Variants in SHANK2 observed in about 807,000 individuals in gnomAD.
SHANK2 encodes the protein SH3 and multiple ankyrin repeat domains 2.
A neutral mutation model predicts 133.7 loss-of-function variants in SHANK2; 43 were observed. The ratio of observed to expected loss-of-function variants is 0.32; its 90% CI spans 0.25 to 0.41. SHANK2 has a LOEUF of 0.41. SHANK2 is among the 10% of genes least tolerant of loss of function. The pLI, the probability that SHANK2 is intolerant of heterozygous loss-of-function variation, is 1.00. For synonymous variants in SHANK2, 1,017 were observed against 952.8 expected (o/e 1.07, Z -1.24); for missense variants, 1,994 against 2,235.8 (o/e 0.89, Z 2.18).
At chr11:71,151,798 G>A (rs752146352) in intron 2 of SHANK2, among the ~76,000 whole-genome samples, 23 of 152,142 alleles carry the variant, frequency 1.5e-4, no homozygotes, top group Non-Finnish European at 8.8e-5. Context: ...GGCAGAGACC[G>A]TCCAGGCTCC....
At chr11:70,598,150 C>T (rs574883762) in intron 17 of SHANK2, among the ~76,000 whole-genome samples, 1 of 152,258 alleles carries the variant, frequency 6.6e-6, no homozygotes, top group East Asian at 1.9e-4. Context: ...GACAGGGTCC[C>T]ATAGAGGGGC....
chr11:70,687,736 C>A (rs782803857), intron 15 of SHANK2, among the ~76,000 whole-genome samples: 1 of 152,182 alleles, frequency 6.6e-6, no homozygotes, highest in Admixed American at 6.5e-5. Flanking sequence ...AAGATTCCTG[C>A]GCAGCTACAG....
At chr11:70,612,904 G>T (rs1554994731) in intron 17 of SHANK2, among the ~76,000 whole-genome samples, 1 of 152,176 alleles carries the variant, frequency 6.6e-6, no homozygotes, top group African/African-American at 2.4e-5. Flanking sequence ...CTTGATGAAT[G>T]CAGTTGGCAT....
intron 10 of SHANK2, among the ~76,000 whole-genome samples, chr11:70,905,291 T>C (rs1164647312): frequency 6.6e-6 from 1 of 152,186 alleles, no homozygotes; most frequent in Non-Finnish European, 1.5e-5. Context: ...GCTCCAGCAC[T>C]GTGTGCAAAA....
At chr11:70,826,011 T>C (rs1195572023) in intron 11 of SHANK2, among the ~76,000 whole-genome samples, 1 of 152,190 alleles carries the variant, frequency 6.6e-6, no homozygotes, top group East Asian at 1.9e-4. Context: ...ATCCATTCCA[T>C]GTAACTGCAA....
chr11:71,062,238 G>T (rs1405256430), intron 9 of SHANK2, among the ~76,000 whole-genome samples: 1 of 152,162 alleles, frequency 6.6e-6, no homozygotes, highest in African/African-American at 2.4e-5. Context: ...TGACAGGTGT[G>T]AGCCACTGCA....
At chr11:71,180,716 T>A (rs1953538090) in intron 2 of SHANK2, among the ~76,000 whole-genome samples, 2 of 152,042 alleles carry the variant, frequency 1.3e-5, no homozygotes, top group Non-Finnish European at 2.9e-5. Flanking sequence ...CACACACCAA[T>A]GTGGATCAAA....
intron 17 of SHANK2, among the ~76,000 whole-genome samples, chr11:70,611,150 C>T (rs1283862513): frequency 6.6e-6 from 1 of 152,206 alleles, no homozygotes; most frequent in Non-Finnish European, 1.5e-5. Context: ...AAAGTGGCAG[C>T]TTTCAAAAGG....
At position 71,124,104 on chromosome 11, in the gene SHANK2, ATGATGGTGATGATGGTGATGGTGAT is replaced by A. The variant is rs1184966378; in HGVS notation, c.208-5097_208-5073del. ...GTTGGTAATGGCGATGATAGTGATC[ATGATGGTGATGATGGTGATGGTGAT>A]TGATGGTGATAATGGTGATGATGGT... On this transcript the variant is annotated intron_variant, in intron 3 of 25. Transcript: ENST00000601538. 3.0e-4 allele frequency among the ~76,000 whole-genome samples: 43 copies of A among 143,860 alleles called. 1 individual carries two copies. The highest frequency in any genetic ancestry group is 1.7e-3 in the East Asian group (8 of 4,596). 94.4% of individuals were successfully genotyped at this position (143,860 alleles called of 152,430 possible). A position where few individuals can be genotyped will look rare whatever the true frequency, so the allele number is the denominator to read the frequency against.
At chr11:70,655,813 A>C (rs1342222615) in intron 17 of SHANK2, among the ~76,000 whole-genome samples, 1 of 152,148 alleles carries the variant, frequency 6.6e-6, no homozygotes, top group African/African-American at 2.4e-5. Context: ...TGGAATGTCA[A>C]CTTGCACTGG....
At chr11:70,619,842 G>T (rs1554997128) in intron 17 of SHANK2, among the ~76,000 whole-genome samples, 1 of 152,190 alleles carries the variant, frequency 6.6e-6, no homozygotes, top group Non-Finnish European at 1.5e-5. Flanking sequence ...ATGCTGGAGG[G>T]TGAGACGCTG....
intron 17 of SHANK2, among the ~76,000 whole-genome samples, chr11:70,541,040 G>A (rs36056670): frequency 0.25 from 38,414 of 151,842 alleles, 5,653 homozygotes; most frequent in East Asian, 0.6. Flanking sequence ...CATGGACTTC[G>A]CTACTCTAGA....
At chr11:70,817,662 C>A (rs900617990) in intron 12 of SHANK2, among the ~76,000 whole-genome samples, 10 of 152,174 alleles carry the variant, frequency 6.6e-5, no homozygotes, top group Non-Finnish European at 2.9e-5. Context: ...TGCGCACTGG[C>A]TGGACAAGGT....
At position 70,515,674 on chromosome 11, in the gene SHANK2, G is replaced by A. The variant is rs1446921870; in HGVS notation, c.2062-12743C>T. ...AAAAAAAAAAAACATTTAAAAGTTA[G>A]CCAAGTATGGCAGCACGTGGCTGTG... is the stretch of plus-strand genomic sequence containing the variant. On this transcript the variant is annotated intron_variant, in intron 17 of 25. Coordinates refer to ENST00000601538, the MANE Select transcript of SHANK2 (RefSeq NM_012309.5). Among the ~76,000 whole-genome samples the A allele has an allele frequency of 4.3e-5, 6 of 140,364 alleles. No homozygotes were observed. The East Asian group carries it at 1.3e-3, about 30-fold the overall frequency. The allele number at this position is 140,364 out of a possible 152,430, so 92.1% of individuals were successfully genotyped here.
chr11:70,952,053 G>A (rs4132532), intron 10 of SHANK2, among the ~76,000 whole-genome samples: 140,059 of 152,222 alleles, frequency 0.92, 65,549 homozygotes, highest in Non-Finnish European at 1. Flanking sequence ...CGGGGCAAAC[G>A]CTTTGACTCA....
At position 70,569,502 on chromosome 11, in the gene SHANK2, G is replaced by A. The variant is rs977352834; in HGVS notation, c.2062-66571C>T. 2.0e-5 allele frequency among the ~76,000 whole-genome samples: 3 copies of A among 152,188 alleles called. No individual in the cohort carries two copies. The highest frequency in any genetic ancestry group is 4.4e-5 in the Non-Finnish European group (3 of 68,020). ...GACCAACGATGAGGCCCCAGGAAGA[G>A]AGGCATGGGTGGCGCTGCCGGCCGC... On this transcript the variant is annotated intron_variant, in intron 17 of 25. Coordinates refer to ENST00000601538, the MANE Select transcript of SHANK2 (RefSeq NM_012309.5). The surrounding 1 kb of genome is among the most constrained non-coding windows in gnomAD (Gnocchi z 5.1).
chr11:70,650,475 T>C (rs1328466249), intron 17 of SHANK2, among the ~76,000 whole-genome samples: 2 of 152,164 alleles, frequency 1.3e-5, no homozygotes, highest in Non-Finnish European at 2.9e-5. Context: ...CCTGGAGTGG[T>C]TCAGCACCCT....
chr11:70,636,189 G>C lies in SHANK2; in HGVS notation c.2061+23639C>G, dbSNP rs984887042. 2.0e-5 allele frequency among the ~76,000 whole-genome samples: 3 copies of C among 152,282 alleles called. No individual in the cohort carries two copies. The South Asian group carries it at 6.2e-4, about 31-fold the overall frequency. On this transcript the variant is annotated intron_variant, in intron 17 of 25. Coordinates refer to ENST00000601538, the MANE Select transcript of SHANK2 (RefSeq NM_012309.5). ...CTAGTGTGTGTGAGAGTATATGCGT[G>C]AGCATGTGTGAATGCATGTCAGCAC... is the stretch of plus-strand genomic sequence containing the variant.
intron 15 of SHANK2, chr11:70,668,132 GGT>G (rs1263378923): frequency 6.6e-6 from 1 of 152,012 alleles, no homozygotes; most frequent in Non-Finnish European, 1.5e-5. Flanking sequence ...TCAGTTGAAT[GGT>G]GACTCAACCC....
Sources: allele counts gnomAD v4.1 joint callset (sites outside exome capture counted in the v4.1 genomes callset), GRCh38; gene constraint gnomAD v4.1.1; non-coding constraint Gnocchi (gnomAD v3.1); transcripts MANE v1.5; gene names NCBI Gene and HGNC (gene_info 2026-07-23, HGNC 2026-07-21).